Variants in PGM2L1 observed in about 807,000 individuals in gnomAD.
PGM2L1 encodes glucose 1,6-bisphosphate synthase.
In PGM2L1, 35 loss-of-function variants were observed where a neutral mutation model predicts 73.4. The ratio of observed to expected loss-of-function variants is 0.48; its 90% CI spans 0.36 to 0.63. The LOEUF (loss-of-function observed/expected upper bound fraction) is 0.63. PGM2L1 is among the 30% of genes least tolerant of loss of function. PGM2L1 has a pLI of 0.00. For synonymous variants in PGM2L1, 225 were observed against 253.8 expected (o/e 0.89, Z 1.08); for missense variants, 570 against 742.0 (o/e 0.77, Z 2.69).
intron 9 of PGM2L1, among the ~76,000 whole-genome samples, chr11:74,344,929 A>G (rs756986132): frequency 5.3e-5 from 8 of 152,232 alleles, no homozygotes; most frequent in Non-Finnish European, 1.2e-4. Flanking sequence ...CAAAGATGGC[A>G]GAGAAAAAGC....
intron 5 of PGM2L1, among the ~76,000 whole-genome samples, chr11:74,357,362 T>C (rs1329286389): frequency 2.0e-5 from 3 of 151,862 alleles, no homozygotes; most frequent in African/African-American, 7.3e-5. Context: ...AACTCAACAA[T>C]AAAAAAGCAA....
intron 6 of PGM2L1, among the ~76,000 whole-genome samples, chr11:74,350,919 AAG>A (rs373985712): frequency 2.2e-5 from 3 of 135,382 alleles, no homozygotes; most frequent in Non-Finnish European, 4.7e-5. Context: ...GAGAGAGAGA[AAG>A]AGAGAGAGAG....
intron 5 of PGM2L1, among the ~76,000 whole-genome samples, chr11:74,367,873 T>A (rs1004281908): frequency 6.6e-6 from 1 of 152,186 alleles, no homozygotes; most frequent in African/African-American, 2.4e-5. Flanking sequence ...ACATTAGCAT[T>A]TAAATCTTTC....
Position 74,336,372 on chromosome 11 carries a change from T to C in PGM2L1, c.*280A>G, listed in dbSNP as rs1369959919. The C allele has an allele frequency of 4.9e-6, 1 of 203,794 alleles. No homozygotes were observed. Among genetic ancestry groups the C allele is most frequent in the African/African-American group, 2.3e-5 (1 of 43,306 alleles). The allele number at this position is 203,794 out of a possible 1,614,324, so 12.6% of individuals were successfully genotyped here. A position where few individuals can be genotyped will look rare whatever the true frequency, so the allele number is the denominator to read the frequency against. ...GAAAACTCACTTTTGAATTGTGATGTTTCTGTTAACGGAAGGACAATACGT... is the reference window on the plus strand; with the variant it reads ...GAAAACTCACTTTTGAATTGTGATGCTTCTGTTAACGGAAGGACAATACGT... On this transcript the variant is annotated 3_prime_UTR_variant, in exon 14 of 14. Coordinates refer to ENST00000298198, the MANE Select transcript of PGM2L1 (RefSeq NM_173582.6).
chr11:74,342,637 TATG>T lies in PGM2L1; in HGVS notation c.1453_1455del (p.His485del). 1 of 1,579,410 alleles carries T rather than the reference TATG, an allele frequency of 6.3e-7. No individual in the cohort carries two copies. The highest frequency in any genetic ancestry group is 8.6e-7 in the Non-Finnish European group (1 of 1,162,308). On this transcript the variant is annotated inframe_deletion, in exon 12 of 14. Transcript: ENST00000298198. ...CACAAGAAATAGGAAGTTTTTGAAA[TATG>T]ATAACCATATCTGTGCAAAGATTCA...
At chr11:74,344,521 C>A (rs929876504) in intron 9 of PGM2L1, among the ~76,000 whole-genome samples, 1 of 152,024 alleles carries the variant, frequency 6.6e-6, no homozygotes, top group African/African-American at 2.4e-5. Flanking sequence ...TGTGATACAC[C>A]CTAATACTAA....
chr11:74,355,755 G>A, intron 5 of PGM2L1: 1 of 478,758 alleles, frequency 2.1e-6, no homozygotes, highest in Non-Finnish European at 4.2e-6. Flanking sequence ...CTTAGCATGA[G>A]AGGAGAGCCA....
At chr11:74,347,444 G>A (rs1322561652) in intron 6 of PGM2L1, 107 bp from the exon 7 acceptor site, 9 of 944,698 alleles carry the variant, frequency 9.5e-6, no homozygotes, top group Non-Finnish European at 1.2e-5. Flanking sequence ...TGTGATTTAA[G>A]CCTTCAGCAG....
chr11:74,368,024 G>A (rs1565441718), intron 5 of PGM2L1, among the ~76,000 whole-genome samples: 1 of 152,022 alleles, frequency 6.6e-6, no homozygotes, highest in Non-Finnish European at 1.5e-5. Flanking sequence ...TTCCCCTCCA[G>A]AGCCACTTTT....
At chr11:74,357,914 T>C (rs1457853876) in intron 5 of PGM2L1, among the ~76,000 whole-genome samples, 5 of 152,010 alleles carry the variant, frequency 3.3e-5, no homozygotes, top group African/African-American at 9.7e-5. Context: ...AAGAAGCCAA[T>C]CTAAAAAGGC....
chr11:74,347,043 C>G, intron 7 of PGM2L1, 105 bp downstream of exon 7: 2 of 1,066,568 alleles, frequency 1.9e-6, no homozygotes, highest in East Asian at 2.6e-5. Flanking sequence ...AAGATGTAAA[C>G]TACAGTCCTT....
At chr11:74,356,920 G>A (rs193003774) in intron 5 of PGM2L1, among the ~76,000 whole-genome samples, 50 of 152,002 alleles carry the variant, frequency 3.3e-4, no homozygotes, top group African/African-American at 1.1e-3. Context: ...TGCAACCTCC[G>A]CCTCCCAGGT....
chr11:74,361,394 C>T (rs1450688878), intron 5 of PGM2L1, among the ~76,000 whole-genome samples: 2 of 152,188 alleles, frequency 1.3e-5, no homozygotes, highest in Admixed American at 6.5e-5. Flanking sequence ...AAAACCCCAT[C>T]TGTACGTCAC....
At chr11:74,338,394 C>T (rs568849852) in intron 13 of PGM2L1, 74 bp downstream of exon 13, 33 of 1,318,456 alleles carry the variant, frequency 2.5e-5, no homozygotes, top group South Asian at 1.6e-4. Flanking sequence ...ATTTTAAGTG[C>T]GTGAGCTGTA....
intron 12 of PGM2L1, among the ~76,000 whole-genome samples, chr11:74,342,186 C>T (rs182255118): frequency 6.6e-6 from 1 of 152,240 alleles, no homozygotes; most frequent in East Asian, 1.9e-4. Context: ...TTATAATAAA[C>T]TGTTAAAAAC....
At chr11:74,354,413 C>A in intron 5 of PGM2L1, 1 of 639,236 alleles carries the variant, frequency 1.6e-6, no homozygotes. Context: ...GCTGAGGAAG[C>A]ATCATTAAAG....
At chr11:74,392,268 G>A (rs892626748) in intron 1 of PGM2L1, among the ~76,000 whole-genome samples, 2 of 151,790 alleles carry the variant, frequency 1.3e-5, no homozygotes, top group Non-Finnish European at 1.5e-5. Flanking sequence ...AAAATCATAA[G>A]CATGTATTTC....
intron 12 of PGM2L1, among the ~76,000 whole-genome samples, chr11:74,341,579 C>G (rs1300545867): frequency 6.6e-6 from 1 of 151,262 alleles, no homozygotes; most frequent in Admixed American, 6.6e-5. Flanking sequence ...GTAGCCCCAG[C>G]TACTCAGGAG....
In PGM2L1 at chr11:74,370,988, TAAAA is replaced by T; in HGVS notation, c.387-6_387-3del. 6.2e-7 allele frequency: 1 copy of T among 1,611,166 alleles called. No individual in the cohort carries two copies. The highest frequency in any genetic ancestry group is 8.5e-7 in the Non-Finnish European group (1 of 1,178,130). On this transcript the variant is annotated splice_polypyrimidine_tract_variant and splice_region_variant and intron_variant, in intron 3 of 13. Coordinates refer to ENST00000298198, the MANE Select transcript of PGM2L1 (RefSeq NM_173582.6). ...ACTGCAGCAGTGAGTTTAGCAAGCC[TAAAA>T]AAAGAGAGATTTAACTTAGTCCTTT...
Sources: allele counts gnomAD v4.1 joint callset (sites outside exome capture counted in the v4.1 genomes callset), GRCh38; gene constraint gnomAD v4.1.1; transcripts MANE v1.5; gene names NCBI Gene and HGNC (gene_info 2026-07-23, HGNC 2026-07-21).